The following LONRF3 variants were observed in gnomAD, a reference collection of about 807,000 sequenced individuals.
LONRF3 encodes LON peptidase N-terminal domain and ring finger 3.
LONRF3 carries 19 observed loss-of-function variants against 51.7 expected under a neutral mutation model. The ratio of observed to expected loss-of-function variants is 0.37; its 90% confidence interval spans 0.26 to 0.54. The LOEUF is 0.54. LONRF3 is among the 20% of genes least tolerant of loss of function. The pLI is 0.86. For missense variants in LONRF3, 521 were observed against 623.9 expected (o/e 0.84, Z 1.76); for synonymous variants, 265 against 257.8 (o/e 1.03, Z -0.27).
intron 5 of LONRF3, among the ~76,000 whole-genome samples, chrX:119,004,792 G>A (rs758841961): frequency 5.3e-5 from 6 of 112,547 alleles, no homozygotes; most frequent in South Asian, 3.7e-4. Flanking sequence ...TACACTTTAC[G>A]TCTGTTCCAT....
chrX:119,017,453 C>T, intron 10 of LONRF3, 82 bp from the exon 11 acceptor site: 1 of 1,004,723 alleles, frequency 1.0e-6, no homozygotes, highest in South Asian at 2.7e-5. Flanking sequence ...TACCTGGGGT[C>T]TTTACCTTGA....
intron 1 of LONRF3, among the ~76,000 whole-genome samples, chrX:118,977,176 A>T (rs1435938125): frequency 9.0e-6 from 1 of 111,561 alleles, no homozygotes; most frequent in Non-Finnish European, 1.9e-5. Flanking sequence ...TGGGGAAAAA[A>T]AAAACATCAA....
intron 4 of LONRF3, 123 bp from the exon 5 acceptor site, chrX:118,990,347 A>G: frequency 3.8e-6 from 2 of 528,908 alleles, no homozygotes; most frequent in Non-Finnish European, 6.5e-6. Flanking sequence ...CACTAAATCA[A>G]CTCTCTGGGA....
intron 8 of LONRF3, among the ~76,000 whole-genome samples, chrX:119,012,671 A>G (rs1925189274): frequency 9.0e-6 from 1 of 111,601 alleles, no homozygotes; most frequent in South Asian, 3.8e-4. Flanking sequence ...TACTTTCACC[A>G]TATCAGCATT....
chrX:118,983,517 G>A (rs1468868023), intron 3 of LONRF3, among the ~76,000 whole-genome samples: 2 of 112,456 alleles, frequency 1.8e-5, no homozygotes, highest in Non-Finnish European at 3.8e-5. Flanking sequence ...GCAAGCAGTC[G>A]TTCCAACTCT....
intron 8 of LONRF3, 57 bp from the exon 9 acceptor site, chrX:119,012,982 C>T (rs1047594160): frequency 2.5e-6 from 3 of 1,200,425 alleles, no homozygotes; most frequent in East Asian, 5.9e-5. Context: ...GGGTGCCAGC[C>T]CAGGGAAACA....
In LONRF3 at chrX:118,989,770, C is replaced by T. The variant is rs1047372240; in HGVS notation, c.1324+98C>T. On this transcript the variant is annotated intron_variant, in intron 4 of 10. Coordinates refer to ENST00000371628, the MANE Select transcript of LONRF3 (RefSeq NM_001031855.3). ...CCTCTGTCTGGGGGCTCCTTAGGCT[C>T]TGGGTGTGGGGCCCAGCTCTGGCAT... is the stretch of plus-strand genomic sequence containing the variant. 4 of 938,668 alleles carry T rather than the reference C, an allele frequency of 4.3e-6. No homozygotes were observed. The African/African-American group carries it at 8.0e-5, about 19-fold the overall frequency. The allele number at this position is 938,668 out of a possible 1,213,427, so 77.4% of individuals were successfully genotyped here. A position where few individuals can be genotyped will look rare whatever the true frequency, so the allele number is the denominator to read the frequency against.
At chrX:118,998,129 A>G (rs1924003806) in intron 5 of LONRF3, among the ~76,000 whole-genome samples, 1 of 112,350 alleles carries the variant, frequency 8.9e-6, no homozygotes, top group Non-Finnish European at 1.9e-5. Context: ...ATCTACCCAG[A>G]GGAAAAGAAG....
Position 119,013,154 on chromosome X carries a change from C to A in LONRF3, c.1927C>A (p.Arg643=). Reference sequence around the variant, plus strand: ...CTTCAGGGTGCTCCATCAGAGCCAGCGGGATGGCTACAACACAGCCGACAT... The same window carrying A: ...CTTCAGGGTGCTCCATCAGAGCCAGAGGGATGGCTACAACACAGCCGACAT... ...RRFRVLHQSQ[R]DGYNTADIEY... Residue 643 remains arginine, a synonymous_variant, in exon 9 of 11, where the codon CGG becomes AGG. Transcript: ENST00000371628. 3 of 1,212,085 alleles carry A rather than the reference C, an allele frequency of 2.5e-6. No individual in the cohort carries two copies. Among genetic ancestry groups the A allele is most frequent in the Non-Finnish European group, 3.3e-6 (3 of 895,551 alleles).
intron 3 of LONRF3, among the ~76,000 whole-genome samples, chrX:118,985,063 T>C (rs188693460): frequency 8.9e-5 from 10 of 112,480 alleles, no homozygotes; most frequent in African/African-American, 3.2e-4. Flanking sequence ...CACTGAGAAT[T>C]GACCCCAACT....
At chrX:119,006,411 T>C (rs924185270) in intron 6 of LONRF3, among the ~76,000 whole-genome samples, 176 bp downstream of exon 6, 3 of 102,598 alleles carry the variant, frequency 2.9e-5, no homozygotes, top group African/African-American at 1.1e-4. Context: ...TTTTTTTTTT[T>C]TTTTTTTTGA....
intron 8 of LONRF3, 91 bp downstream of exon 8, chrX:119,012,064 G>C: frequency 1.0e-6 from 1 of 956,862 alleles, no homozygotes; most frequent in Middle Eastern, 3.3e-4. Flanking sequence ...GGGAGGCCTA[G>C]CTCATGAGGT....
At chrX:118,986,791 T>C (rs1288140397) in intron 3 of LONRF3, 1 of 511,739 alleles carries the variant, frequency 2.0e-6, no homozygotes, top group Non-Finnish European at 3.2e-6. Context: ...TGTGGTGTGT[T>C]AGGGACACTG....
chrX:119,005,718 G>A (rs1422117969), intron 5 of LONRF3, among the ~76,000 whole-genome samples: 1 of 111,610 alleles, frequency 9.0e-6, no homozygotes, highest in East Asian at 2.8e-4. Flanking sequence ...GAGAGAGAAT[G>A]TGTGTGCGTG....
intron 2 of LONRF3, among the ~76,000 whole-genome samples, chrX:118,978,899 T>A (rs2147265362): frequency 9.0e-6 from 1 of 111,237 alleles, no homozygotes; most frequent in Non-Finnish European, 1.9e-5. Flanking sequence ...GTAAGGTACT[T>A]AGAACAGTGT....
chrX:118,982,721 A>C, intron 2 of LONRF3, 100 bp from the exon 3 acceptor site: 1 of 1,057,603 alleles, frequency 9.5e-7, no homozygotes, highest in Non-Finnish European at 1.3e-6. Flanking sequence ...TCCTTTTAAA[A>C]TGTTTCACAC....
intron 1 of LONRF3, among the ~76,000 whole-genome samples, chrX:118,977,180 A>C (rs1026238261): frequency 9.0e-6 from 1 of 111,330 alleles, no homozygotes; most frequent in Non-Finnish European, 1.9e-5. Flanking sequence ...GAAAAAAAAA[A>C]CATCAAAGCC....
At chrX:119,005,811 A>G (rs1569296228) in intron 5 of LONRF3, among the ~76,000 whole-genome samples, 1 of 111,624 alleles carries the variant, frequency 9.0e-6, no homozygotes, top group Admixed American at 9.5e-5. Flanking sequence ...TTATCCAGAC[A>G]CTCTGTGCAT....
In LONRF3 at chrX:119,017,815, C is replaced by A; in HGVS notation, c.*125C>A. 1.6e-6 allele frequency: 1 copy of A among 616,588 alleles called. No homozygotes were observed. The highest frequency in any genetic ancestry group is 2.4e-6 in the Non-Finnish European group (1 of 423,491). The allele number at this position is 616,588 out of a possible 1,213,427, so 50.8% of individuals were successfully genotyped here. The stretch of plus-strand genomic sequence containing the variant: ...GGTGTCAAACAGAGGCATCAGCCTG[C>A]TGTTGATCACAGAGAGAAATTGAGT... On this transcript the variant is annotated 3_prime_UTR_variant, in exon 11 of 11. Transcript: ENST00000371628.
Sources: gnomAD v4.1 joint callset for allele counts (sites outside exome capture counted in the v4.1 genomes callset) on GRCh38, gnomAD v4.1.1 for gene constraint, MANE v1.5 for transcripts, NCBI Gene and HGNC (gene_info 2026-07-23, HGNC 2026-07-21) for gene names.